The following CENPK variants were observed in gnomAD, a reference collection of about 807,000 sequenced individuals.
The protein encoded by CENPK is centromere protein K.
CENPK carries 46 observed loss-of-function variants against 40.9 expected under a neutral mutation model. That is an observed-to-expected ratio of 1.13 (90% CI 0.89 to 1.44). The LOEUF (loss-of-function observed/expected upper bound fraction) is 1.44. Ranked by LOEUF, CENPK falls within the 40% of genes most tolerant of loss-of-function variation. The pLI is 0.00. For synonymous variants in CENPK, 107 were observed against 104.4 expected (o/e 1.02, Z -0.15); for missense variants, 288 against 303.5 (o/e 0.95, Z 0.38).
the CENPK span, among the ~76,000 whole-genome samples, chr5:65,510,245 A>C: frequency 2.0e-5 from 3 of 152,266 alleles, no homozygotes; most frequent in Non-Finnish European, 4.4e-5. Flanking sequence ...AAAGTCTTGA[A>C]AAAAATTAAA....
At chr5:65,526,530 G>A (rs958764204) in intron 9 of CENPK, among the ~76,000 whole-genome samples, 1 of 152,126 alleles carries the variant, frequency 6.6e-6, no homozygotes, top group Admixed American at 6.6e-5. Context: ...AACTGAGAAG[G>A]TTCTATATAA....
At chr5:65,544,363 T>C (rs1748517222) in intron 5 of CENPK, among the ~76,000 whole-genome samples, 1 of 152,182 alleles carries the variant, frequency 6.6e-6, no homozygotes, top group South Asian at 2.1e-4. Context: ...AGCAGACAGC[T>C]ACTATCAAAA....
intron 2 of CENPK, among the ~76,000 whole-genome samples, chr5:65,556,395 A>G (rs1750984306): frequency 6.6e-6 from 1 of 152,160 alleles, no homozygotes; most frequent in Non-Finnish European, 1.5e-5. Flanking sequence ...AGATCGCTTG[A>G]GTCCAGGAGT....
chr5:65,548,159 G>C (rs1749347241), intron 5 of CENPK, among the ~76,000 whole-genome samples: 1 of 152,174 alleles, frequency 6.6e-6, no homozygotes, highest in African/African-American at 2.4e-5. Context: ...GTCCAAGTTT[G>C]GTTCTAGACC....
the CENPK span, among the ~76,000 whole-genome samples, chr5:65,507,942 G>A: frequency 6.6e-6 from 1 of 152,208 alleles, no homozygotes. Context: ...ATTCACATTT[G>A]TCTGACATTT....
the CENPK span, among the ~76,000 whole-genome samples, chr5:65,506,519 C>T: frequency 2.6e-5 from 4 of 152,074 alleles, no homozygotes; most frequent in Non-Finnish European, 4.4e-5. Flanking sequence ...CATGGTGGCT[C>T]ACACCTGTAA....
chr5:65,521,659 G>T, intron 9 of CENPK, 131 bp from the exon 10 acceptor site: 1 of 656,088 alleles, frequency 1.5e-6, no homozygotes, highest in South Asian at 1.9e-5. Flanking sequence ...GGAGTGCAAT[G>T]GCGCAATCTC....
At chr5:65,514,252 T>TAG (rs1742699254), downstream of CENPK, among the ~76,000 whole-genome samples, 1 of 10,720 alleles carries the variant, frequency 9.3e-5, no homozygotes, top group Non-Finnish European at 2.1e-4. Context: ...TTTTTTTTTT[T>TAG]TTTTTTTTTA....
rs568481883 is a variant in CENPK at position 65,524,746 on chromosome 5, G to T, written c.598-3218C>A. 3.1e-4 allele frequency: 47 copies of T among 153,148 alleles called. No individual in the cohort carries two copies. The South Asian group carries it at 9.4e-3, about 31-fold the overall frequency. 9.5% of individuals were successfully genotyped at this position (153,148 alleles called of 1,614,324 possible). A position where few individuals can be genotyped will look rare whatever the true frequency, so the allele number is the denominator to read the frequency against. The stretch of plus-strand genomic sequence containing the variant: ...GTAGAATGAAGGCTAAATATAAATG[G>T]CGTTTTCTGAATAAAATATAAATAA... On this transcript the variant is annotated intron_variant, in intron 9 of 10. Coordinates refer to ENST00000396679, the MANE Select transcript of CENPK (RefSeq NM_022145.5).
intron 10 of CENPK, 138 bp downstream of exon 10, chr5:65,521,337 T>C: frequency 1.6e-6 from 1 of 634,934 alleles, no homozygotes; most frequent in Non-Finnish European, 2.8e-6. Flanking sequence ...AAAGATATAT[T>C]ATTACAAATA....
At chr5:65,512,231 T>C in the CENPK span, among the ~76,000 whole-genome samples, 2 of 152,194 alleles carry the variant, frequency 1.3e-5, no homozygotes, top group Non-Finnish European at 2.9e-5. Flanking sequence ...ACAGTGAACA[T>C]GGTTGAAATG....
At chr5:65,547,221 C>T (rs1001925328) in intron 5 of CENPK, among the ~76,000 whole-genome samples, 57 of 151,810 alleles carry the variant, frequency 3.8e-4, no homozygotes, top group Admixed American at 1.4e-3. Flanking sequence ...GGCAAAACCC[C>T]GTCTCTACTA....
At chr5:65,540,553 C>T (rs1747786987) in intron 6 of CENPK, among the ~76,000 whole-genome samples, 1 of 152,132 alleles carries the variant, frequency 6.6e-6, no homozygotes, top group South Asian at 2.1e-4. Flanking sequence ...CTTTCAGCAC[C>T]ACCCCTGAAA....
At chr5:65,532,684 C>A (rs1036945073) in intron 6 of CENPK, among the ~76,000 whole-genome samples, 2 of 151,364 alleles carry the variant, frequency 1.3e-5, no homozygotes, top group Admixed American at 1.3e-4. Context: ...CTGAGGCGGG[C>A]AGATCACCTG....
At chr5:65,523,318 T>C (rs1332467742) in intron 9 of CENPK, among the ~76,000 whole-genome samples, 2 of 152,186 alleles carry the variant, frequency 1.3e-5, no homozygotes, top group African/African-American at 4.8e-5. Context: ...TCCAAGATCA[T>C]ACTAATCCTA....
At chr5:65,526,895 C>G (rs1375911850) in intron 9 of CENPK, among the ~76,000 whole-genome samples, 1 of 152,106 alleles carries the variant, frequency 6.6e-6, no homozygotes, top group Non-Finnish European at 1.5e-5. Flanking sequence ...GAGTTCGAGA[C>G]CAGCCTGGCC....
At position 65,538,342 on chromosome 5, in the gene CENPK, C is replaced by T. The variant is rs558672441; in HGVS notation, c.288+4460G>A. Among the ~76,000 whole-genome samples the T allele has an allele frequency of 4.6e-5, 7 of 152,220 alleles. No individual in the cohort carries two copies. The East Asian group carries it at 1.4e-3, about 29-fold the overall frequency. Reference sequence around the variant, plus strand: ...TTCCTATTTAAAACTCAAAAACTTACTATGAATGCTATGTTTATGAATAAG... The same window carrying T: ...TTCCTATTTAAAACTCAAAAACTTATTATGAATGCTATGTTTATGAATAAG... On this transcript the variant is annotated intron_variant, in intron 6 of 10. Coordinates refer to ENST00000396679, the MANE Select transcript of CENPK (RefSeq NM_022145.5).
chr5:65,516,700 TA>T (rs149172436), downstream of CENPK, among the ~76,000 whole-genome samples: 7 of 150,108 alleles, frequency 4.7e-5, no homozygotes, highest in African/African-American at 7.3e-5. Context: ...CTCTACATGC[TA>T]AAAAAAAAGC....
downstream of CENPK, among the ~76,000 whole-genome samples, chr5:65,515,204 ATTTT>A (rs1554102335): frequency 3.5e-4 from 44 of 124,068 alleles, no homozygotes; most frequent in African/African-American, 1.3e-3. Flanking sequence ...TCTCAAAAAA[ATTTT>A]TTTTTTTTTT....
Sources: gnomAD v4.1 joint callset for allele counts (sites outside exome capture counted in the v4.1 genomes callset) on GRCh38, gnomAD v4.1.1 for gene constraint, MANE v1.5 for transcripts, NCBI Gene and HGNC (gene_info 2026-07-23, HGNC 2026-07-21) for gene names.